TANK: variants seen among roughly 807,000 people sequenced by gnomAD.
TANK encodes TRAF family member-associated NF-kappa-B activator.
A neutral mutation model predicts 43.6 loss-of-function variants in TANK; 15 were observed. The ratio of observed to expected loss-of-function variants is 0.34; its 90% CI spans 0.23 to 0.53. The LOEUF is 0.53. TANK is among the 20% of genes least tolerant of loss of function. TANK has a pLI of 0.94. For synonymous variants in TANK, 162 were observed against 178.2 expected, an observed-to-expected ratio of 0.91 and a Z score of 0.73; for missense variants, 417 against 498.6, an observed-to-expected ratio of 0.84 and a Z score of 1.56.
chr2:161,161,105 G>A, intron 1 of TANK: 1 of 1,095,162 alleles, frequency 9.1e-7, no homozygotes, highest in Non-Finnish European at 1.3e-6. Context: ...CAGGCGTTAG[G>A]TAGAGTCCTC....
chr2:161,165,923 G>A (rs1461282004), intron 1 of TANK, among the ~76,000 whole-genome samples: 1 of 152,118 alleles, frequency 6.6e-6, no homozygotes, highest in Non-Finnish European at 1.5e-5. Context: ...GTGTTATACT[G>A]TTTAGTTGTG....
chr2:161,185,612 A>G (rs567587477), intron 2 of TANK, among the ~76,000 whole-genome samples: 1 of 151,398 alleles, frequency 6.6e-6, no homozygotes, highest in South Asian at 2.1e-4. Context: ...TATTGCAAGA[A>G]CAAAAAACCA....
chr2:161,190,472 G>A (rs570444909), intron 2 of TANK, among the ~76,000 whole-genome samples: 2 of 152,272 alleles, frequency 1.3e-5, no homozygotes, highest in East Asian at 3.9e-4. Context: ...CAGAAGAAGT[G>A]ATAGCAAGGA....
upstream of TANK, chr2:161,160,260 G>T (rs1461884284): frequency 2.4e-6 from 1 of 411,436 alleles, no homozygotes; most frequent in Non-Finnish European, 4.2e-6. Flanking sequence ...GGGCAGGGCT[G>T]GGGGAGGGCG....
At chr2:161,184,155 G>A (rs926932846) in intron 2 of TANK, among the ~76,000 whole-genome samples, 1 of 152,096 alleles carries the variant, frequency 6.6e-6, no homozygotes, top group Non-Finnish European at 1.5e-5. Context: ...AGAATGATGG[G>A]ACATTCCAGG....
chr2:161,214,801 A>G (rs1434030658), intron 4 of TANK, among the ~76,000 whole-genome samples: 1 of 152,176 alleles, frequency 6.6e-6, no homozygotes, highest in Non-Finnish European at 1.5e-5. Flanking sequence ...AATCAGAGAA[A>G]AAGGACTTTA....
chr2:161,138,128 T>A (rs1362582646), intron 1 of TANK: 1 of 189,190 alleles, frequency 5.3e-6, no homozygotes, highest in Non-Finnish European at 9.8e-6. Context: ...TAAACTAGTC[T>A]TATTCTATTA....
At chr2:161,157,898 G>A (rs1175569631), upstream of TANK, among the ~76,000 whole-genome samples, 1 of 152,158 alleles carries the variant, frequency 6.6e-6, no homozygotes, top group Non-Finnish European at 1.5e-5. Context: ...TGGCCAGGCT[G>A]GTCTCAAACT....
Position 161,219,501 on chromosome 2 carries a change from G to A in TANK, c.328-4414G>A, listed in dbSNP as rs1350315245. Among the ~76,000 whole-genome samples the A allele has an allele frequency of 2.0e-5, 3 of 152,118 alleles. No individual in the cohort carries two copies. The East Asian group carries it at 5.8e-4, about 29-fold the overall frequency. ...TTTCTCTTGCTTTGCTAGATTTTCA[G>A]GAATGTTAATGAGGGTGAGAGAACC... is the stretch of plus-strand genomic sequence containing the variant. On this transcript the variant is annotated intron_variant, in intron 4 of 7. Coordinates refer to ENST00000392749, the MANE Select transcript of TANK (RefSeq NM_001199135.3).
chr2:161,224,507 A>G (rs1574064252), intron 5 of TANK, 124 bp from the exon 6 acceptor site: 1 of 473,954 alleles, frequency 2.1e-6, no homozygotes, highest in East Asian at 3.3e-5. Flanking sequence ...GGAATTTAAA[A>G]TAATTTTTTT....
At chr2:161,211,402 C>T (rs1189603630) in intron 4 of TANK, among the ~76,000 whole-genome samples, 1 of 152,190 alleles carries the variant, frequency 6.6e-6, no homozygotes, top group East Asian at 1.9e-4. Context: ...TTGCAAGTCC[C>T]TTAATCCACA....
At chr2:161,178,855 T>G (rs1685292493) in intron 1 of TANK, among the ~76,000 whole-genome samples, 1 of 152,190 alleles carries the variant, frequency 6.6e-6, no homozygotes. Context: ...GGTCCTGTGT[T>G]GTGATTTTTA....
At chr2:161,230,049 TTGTTGATATCTATGTC>T (rs1559010726) in intron 6 of TANK, among the ~76,000 whole-genome samples, 1 of 152,244 alleles carries the variant, frequency 6.6e-6, no homozygotes, top group Non-Finnish European at 1.5e-5. Flanking sequence ...CTTTTAGCTC[TTGTTGATATCTATGTC>T]TGCCTTTAGC....
At chr2:161,191,116 G>A (rs777872080) in intron 2 of TANK, among the ~76,000 whole-genome samples, 8 of 152,266 alleles carry the variant, frequency 5.3e-5, no homozygotes, top group Admixed American at 1.3e-4. Flanking sequence ...ACTGCAATTT[G>A]AGACTCAGAA....
At position 161,231,253 on chromosome 2, in the gene TANK, A is replaced by C; in HGVS notation, c.803A>C (p.Lys268Thr). The part of the protein sequence containing the change: ...PATSEAVCQE[K>T]FNMEFRDNPG... Reference sequence around the variant, plus strand: ...ACGTCTGAGGCAGTGTGCCAAGAGAAATTTAATATGGAGTTCAGAGACAAC... The same window carrying C: ...ACGTCTGAGGCAGTGTGCCAAGAGACATTTAATATGGAGTTCAGAGACAAC... Residue 268 changes from lysine (K) to threonine (T), a missense_variant, in exon 7 of 8, where the codon AAA (lysine) becomes ACA (threonine). By Grantham distance (78) the Lys-to-Thr change is moderately conservative. Transcript: ENST00000392749. 1.9e-6 allele frequency: 3 copies of C among 1,614,042 alleles called. No homozygotes were observed. In the African/African-American group the frequency reaches 4.0e-5, roughly 22 times the overall value.
intron 4 of TANK, among the ~76,000 whole-genome samples, chr2:161,205,483 A>G (rs1686608920): frequency 6.6e-6 from 1 of 152,170 alleles, no homozygotes; most frequent in Non-Finnish European, 1.5e-5. Flanking sequence ...TTTTTCTTCA[A>G]TAGTCTGTGC....
chr2:161,184,816 C>T (rs1343002869), intron 2 of TANK, among the ~76,000 whole-genome samples: 1 of 152,118 alleles, frequency 6.6e-6, no homozygotes, highest in Non-Finnish European at 1.5e-5. Flanking sequence ...GTTGTAGTTA[C>T]CTGTGAGGCT....
intron 1 of TANK, among the ~76,000 whole-genome samples, chr2:161,147,925 G>C (rs2105222700): frequency 6.6e-6 from 1 of 152,244 alleles, no homozygotes; most frequent in East Asian, 1.9e-4. Flanking sequence ...TCTGTTGATG[G>C]ATAGGGTATT....
At chr2:161,190,095 ATATCTAGAATATATAAAGAAC>A (rs1685844193) in intron 2 of TANK, among the ~76,000 whole-genome samples, 1 of 152,214 alleles carries the variant, frequency 6.6e-6, no homozygotes, top group Non-Finnish European at 1.5e-5. Flanking sequence ...TAAGAAATTG[ATATCTAGAATATATAAAGAAC>A]TACAGCTCAA....
Sources: gnomAD v4.1 joint callset for allele counts (sites outside exome capture counted in the v4.1 genomes callset) on GRCh38, gnomAD v4.1.1 for gene constraint, MANE v1.5 for transcripts, NCBI Gene and HGNC (gene_info 2026-07-23, HGNC 2026-07-21) for gene names.